The following RADIL variants were observed in gnomAD, a reference collection of about 807,000 sequenced individuals.
RADIL encodes ras-associating and dilute domain-containing protein.
RADIL carries 99 observed loss-of-function variants against 97.6 expected under a neutral mutation model. That is an observed-to-expected ratio of 1.01 (90% CI 0.86 to 1.20). RADIL has a LOEUF of 1.20. RADIL is among the 50% of genes most tolerant of loss of function. The pLI, the probability that RADIL is intolerant of heterozygous loss-of-function variation, is 0.00. For missense variants in RADIL, 1,765 were observed against 1,498.9 expected, an observed-to-expected ratio of 1.18 and a Z score of -2.93; for synonymous variants, 803 against 691.8, an observed-to-expected ratio of 1.16 and a Z score of -2.52.
Position 4,814,468 on chromosome 7 carries a change from C to G in RADIL, c.2139+810G>C, listed in dbSNP as rs572505773. 6.6e-6 allele frequency among the ~76,000 whole-genome samples: 1 copy of G among 151,726 alleles called. No individual in the cohort carries two copies. The highest frequency in any genetic ancestry group is 2.1e-4 in the South Asian group (1 of 4,798). On this transcript the variant is annotated intron_variant, in intron 9 of 14. Transcript: ENST00000399583. This position sits in a 1 kb window ranked among gnomAD's most constrained non-coding sequence, Gnocchi z 4.5. Reference sequence around the variant, plus strand: ...CACCATCACAGTACAGCATGTTCAGCGTTTTCCAGGCAGGAGAGGAAACCA... The same window carrying G: ...CACCATCACAGTACAGCATGTTCAGGGTTTTCCAGGCAGGAGAGGAAACCA...
intron 1 of RADIL, chr7:4,882,240 G>C (rs1784502695): frequency 1.3e-5 from 2 of 152,294 alleles, no homozygotes; most frequent in African/African-American, 4.8e-5. Flanking sequence ...TGGCCTGTTT[G>C]TGAGAATGGG....
At chr7:4,865,369 TTTG>T (rs1437082199) in intron 2 of RADIL, 5 of 596,832 alleles carry the variant, frequency 8.4e-6, no homozygotes, top group African/African-American at 3.7e-5. Flanking sequence ...GTGGTTTTTT[TTTG>T]TTGTTGTTCC....
chr7:4,877,627 C>G lies in RADIL; in HGVS notation c.513G>C (p.Lys171Asn), dbSNP rs1477570849. Residue 171 changes from lysine (K) to asparagine (N), a missense_variant, in exon 2 of 15, where the codon AAG becomes AAC. Physicochemically the swap from Lys to Asn is moderately conservative, Grantham distance 94. Coordinates refer to ENST00000399583, the MANE Select transcript of RADIL (RefSeq NM_018059.5). Reference sequence around the variant, plus strand: ...CACCTGCCGTGATGGTGTCCACCTCCTTGGCTGCCAGCTCCTCCACGTCCG... The same window carrying G: ...CACCTGCCGTGATGGTGTCCACCTCGTTGGCTGCCAGCTCCTCCACGTCCG... ...KRSDVEELAA[K>N]EVDTITAGIN... 1 of 1,605,964 alleles carries G rather than the reference C, an allele frequency of 6.2e-7. No individual in the cohort carries two copies. Among genetic ancestry groups the G allele is most frequent in the East Asian group, 2.2e-5 (1 of 44,884 alleles).
At chr7:4,852,779 G>A (rs756387546) in intron 2 of RADIL, among the ~76,000 whole-genome samples, 19 of 152,174 alleles carry the variant, frequency 1.2e-4, no homozygotes, top group Admixed American at 2.0e-4. Context: ...CTGACCTCAT[G>A]TGATCCACCT....
chr7:4,863,177 GT>G (rs1230508740), intron 2 of RADIL, among the ~76,000 whole-genome samples: 8 of 152,292 alleles, frequency 5.3e-5, no homozygotes, highest in African/African-American at 1.9e-4. Flanking sequence ...TTAGTCTGCT[GT>G]TTAAGCATCA....
chr7:4,843,247 T>A (rs1475525090), intron 2 of RADIL, among the ~76,000 whole-genome samples: 1 of 150,974 alleles, frequency 6.6e-6, no homozygotes, highest in East Asian at 2.0e-4. Flanking sequence ...TCTCCTGACC[T>A]CGTGATCCGC....
chr7:4,798,965 T>G lies in RADIL; in HGVS notation c.*413A>C. On this transcript the variant is annotated 3_prime_UTR_variant, in exon 15 of 15. Coordinates refer to ENST00000399583, the MANE Select transcript of RADIL (RefSeq NM_018059.5). The stretch of plus-strand genomic sequence containing the variant: ...CTGGGTGGGACGGGGGCAGGGAGAG[T>G]CAGTTCAGATGATCCCCTGATGACA... The G allele has an allele frequency of 2.6e-5, 5 of 188,856 alleles. No homozygotes were observed. Among genetic ancestry groups the G allele is most frequent in the Admixed American group, 5.6e-5 (1 of 17,836 alleles). 11.7% of individuals were successfully genotyped at this position (188,856 alleles called of 1,614,324 possible).
At chr7:4,861,721 C>G (rs763846073) in intron 2 of RADIL, 6 of 1,544,180 alleles carry the variant, frequency 3.9e-6, no homozygotes, top group South Asian at 1.3e-5. Flanking sequence ...CCTTGGGGAC[C>G]GCTAGACTGA....
At chr7:4,875,770 C>A (rs1784363010) in intron 2 of RADIL, among the ~76,000 whole-genome samples, 1 of 152,156 alleles carries the variant, frequency 6.6e-6, no homozygotes, top group Non-Finnish European at 1.5e-5. Flanking sequence ...GGTTTCCTGG[C>A]CTCACAGGAG....
intron 2 of RADIL, among the ~76,000 whole-genome samples, chr7:4,845,687 T>C (rs749338740): frequency 2.6e-5 from 4 of 152,156 alleles, no homozygotes; most frequent in Non-Finnish European, 5.9e-5. Flanking sequence ...TTACATACTC[T>C]AGGGTATTAT....
intron 5 of RADIL, among the ~76,000 whole-genome samples, chr7:4,827,417 T>C (rs1275960285): frequency 6.7e-6 from 1 of 150,056 alleles, no homozygotes; most frequent in Non-Finnish European, 1.5e-5. Flanking sequence ...CCCAGCACTT[T>C]GGGAGGCCGA....
At chr7:4,809,161 G>A (rs1782460431) in intron 9 of RADIL, 1 of 985,188 alleles carries the variant, frequency 1.0e-6, no homozygotes, top group Non-Finnish European at 1.2e-6. Context: ...GCCGCTTCTG[G>A]AAGACCCCTG....
intron 10 of RADIL, among the ~76,000 whole-genome samples, chr7:4,804,870 C>T (rs1175785868): frequency 1.3e-5 from 2 of 151,110 alleles, no homozygotes; most frequent in Admixed American, 6.6e-5. Flanking sequence ...CTGAGGTGGG[C>T]GAATCACCTA....
At chr7:4,826,509 G>T (rs1782981958) in intron 5 of RADIL, among the ~76,000 whole-genome samples, 1 of 152,070 alleles carries the variant, frequency 6.6e-6, no homozygotes, top group African/African-American at 2.4e-5. Flanking sequence ...GAGGCGGGTG[G>T]ATCATGTGAG....
In RADIL at chr7:4,797,731, C is replaced by CA. The variant is rs1409473990; in HGVS notation, c.*1646dup. 7.2e-5 allele frequency: 11 copies of CA among 152,212 alleles called. No homozygotes were observed. The highest frequency in any genetic ancestry group is 2.4e-4 in the African/African-American group (10 of 41,430). 9.4% of individuals were successfully genotyped at this position (152,212 alleles called of 1,614,324 possible). On this transcript the variant is annotated 3_prime_UTR_variant, in exon 15 of 15. Coordinates refer to ENST00000399583, the MANE Select transcript of RADIL (RefSeq NM_018059.5). ...CATGGTAATCCCACGCCTGTAATCC[C>CA]AGCACTTTGGGAGGGCAAGGCGGGC...
intron 5 of RADIL, among the ~76,000 whole-genome samples, chr7:4,823,223 A>C (rs974746864): frequency 1.3e-5 from 2 of 152,176 alleles, no homozygotes; most frequent in African/African-American, 4.8e-5. Context: ...TGGAAGGCCA[A>C]GGCGGGTGGA....
At chr7:4,810,663 T>G (rs977326669) in intron 9 of RADIL, among the ~76,000 whole-genome samples, 1 of 152,140 alleles carries the variant, frequency 6.6e-6, no homozygotes, top group Non-Finnish European at 1.5e-5. Context: ...GTCGGGGAAA[T>G]TGCTCAATCG....
Position 4,824,040 on chromosome 7 carries a change from G to A in RADIL, c.1455-1486C>T, listed in dbSNP as rs2115202439. On this transcript the variant is annotated intron_variant, in intron 5 of 14. Coordinates refer to ENST00000399583, the MANE Select transcript of RADIL (RefSeq NM_018059.5). The surrounding 1 kb of genome is among the most constrained non-coding windows in gnomAD (Gnocchi z 6.7). ...AAATAGCCGTGTGCCCCTGAGCAGTGAGCAGAAGGCCGTGTGTGCCCCTGA... is the reference window on the plus strand; with the variant it reads ...AAATAGCCGTGTGCCCCTGAGCAGTAAGCAGAAGGCCGTGTGTGCCCCTGA... Among the ~76,000 whole-genome samples the A allele has an allele frequency of 6.6e-6, 1 of 152,312 alleles. No homozygotes were observed.
intron 2 of RADIL, among the ~76,000 whole-genome samples, chr7:4,856,276 A>AT: frequency 6.6e-6 from 1 of 151,602 alleles, no homozygotes; most frequent in Non-Finnish European, 1.5e-5. Flanking sequence ...CACCCAGCTA[A>AT]TTTTTGTATT....
Sources: allele counts gnomAD v4.1 joint callset (sites outside exome capture counted in the v4.1 genomes callset), GRCh38; gene constraint gnomAD v4.1.1; non-coding constraint Gnocchi (gnomAD v3.1); transcripts MANE v1.5; gene names NCBI Gene and HGNC (gene_info 2026-07-23, HGNC 2026-07-21).